Variants in UFD1 observed in about 807,000 individuals in gnomAD.
UFD1 encodes the protein ubiquitin recognition factor in ER associated degradation 1.
A neutral mutation model predicts 45.9 loss-of-function variants in UFD1; 13 were observed. The observed-to-expected ratio is 0.28, with a 90% confidence interval of 0.18 to 0.45. UFD1 has a LOEUF of 0.45. Ranked by LOEUF, UFD1 falls within the 20% of genes least tolerant of loss-of-function variation. The pLI is 1.00. For missense variants in UFD1, 218 were observed against 389.2 expected, an observed-to-expected ratio of 0.56 and a Z score of 3.70; for synonymous variants, 128 against 139.2, an observed-to-expected ratio of 0.92 and a Z score of 0.56.
intron 7 of UFD1, among the ~76,000 whole-genome samples, chr22:19,457,764 T>A (rs1438338453): frequency 6.6e-6 from 1 of 151,654 alleles, no homozygotes; most frequent in Non-Finnish European, 1.5e-5. Flanking sequence ...TGAGCCAAGA[T>A]CGCACCACTG....
intron 1 of UFD1, among the ~76,000 whole-genome samples, chr22:19,477,759 A>C (rs1479616399): frequency 6.6e-6 from 1 of 152,202 alleles, no homozygotes; most frequent in Admixed American, 6.5e-5. Context: ...AGTAGAAGGA[A>C]TGCCACCTAC....
intron 4 of UFD1, among the ~76,000 whole-genome samples, chr22:19,468,606 C>A (rs2089821286): frequency 6.6e-6 from 1 of 152,106 alleles, no homozygotes. Flanking sequence ...TGCAGGGAGT[C>A]CAGACTCAGG....
rs1277231208 is a variant in UFD1, at chr22:19,465,182, C to T, written c.495+20G>A. The T allele has an allele frequency of 6.2e-7, 1 of 1,613,426 alleles. No individual in the cohort carries two copies. Reference sequence around the variant, plus strand: ...TGCAGGTGGCTCTTGTCAGGAATGACCTGCATGAACTGGGCTCACCTTTTC... The same window carrying T: ...TGCAGGTGGCTCTTGTCAGGAATGATCTGCATGAACTGGGCTCACCTTTTC... On this transcript the variant is annotated intron_variant, in intron 6 of 11. Coordinates refer to ENST00000263202, the MANE Select transcript of UFD1 (RefSeq NM_005659.7).
Position 19,458,156 on chromosome 22 carries a change from G to C in UFD1, c.496-17C>G. ...TTCGTAGATCTGTGGGGCAAACACA[G>C]AAATCAGTTGGATGGTTTCCTGGCA... is the stretch of plus-strand genomic sequence containing the variant. On this transcript the variant is annotated splice_polypyrimidine_tract_variant and intron_variant, in intron 6 of 11. Coordinates refer to ENST00000263202, the MANE Select transcript of UFD1 (RefSeq NM_005659.7). 1 of 1,613,796 alleles carries C rather than the reference G, an allele frequency of 6.2e-7. No individual in the cohort carries two copies. Among genetic ancestry groups the C allele is most frequent in the Non-Finnish European group, 8.5e-7 (1 of 1,179,792 alleles).
chr22:19,458,234 T>C, intron 6 of UFD1, 95 bp from the exon 7 acceptor site: 1 of 1,314,158 alleles, frequency 7.6e-7, no homozygotes, highest in Non-Finnish European at 1.1e-6. Context: ...CTCCTGCGAA[T>C]GACACAGCAT....
intron 11 of UFD1, 59 bp from the exon 12 acceptor site, chr22:19,450,803 C>CT: frequency 6.2e-7 from 1 of 1,612,836 alleles, no homozygotes; most frequent in South Asian, 1.1e-5. Flanking sequence ...CAATAAATGC[C>CT]TTACTCTATG....
At chr22:19,470,586 C>A (rs1038794752) in intron 4 of UFD1, 3 of 375,666 alleles carry the variant, frequency 8.0e-6, no homozygotes, top group African/African-American at 6.3e-5. Context: ...GGACTACAGG[C>A]ACGTGCCACC....
At chr22:19,456,783 A>G in intron 8 of UFD1, 70 bp downstream of exon 8, 2 of 1,613,794 alleles carry the variant, frequency 1.2e-6, no homozygotes, top group Non-Finnish European at 1.7e-6. Context: ...GAGGCCACCC[A>G]CGAGCCACTG....
At chr22:19,451,811 G>C in intron 11 of UFD1, 1 of 985,428 alleles carries the variant, frequency 1.0e-6, no homozygotes, top group African/African-American at 1.7e-5. Flanking sequence ...TTCAATCACA[G>C]CCTGCATTGC....
chr22:19,450,546 C>A lies in UFD1; in HGVS notation c.*124G>T, dbSNP rs1210245106. 17 of 1,255,572 alleles carry A rather than the reference C, an allele frequency of 1.4e-5. No individual in the cohort carries two copies. Among genetic ancestry groups the A allele is most frequent in the Non-Finnish European group, 1.9e-5 (17 of 890,228 alleles). 77.8% of individuals were successfully genotyped at this position (1,255,572 alleles called of 1,614,324 possible). On this transcript the variant is annotated 3_prime_UTR_variant, in exon 12 of 12. Coordinates refer to ENST00000263202, the MANE Select transcript of UFD1 (RefSeq NM_005659.7). ...CAAACTTAATAATTCTTAGGTAACT[C>A]TAAATAAATCTTAAGTAACAGAGTA...
At chr22:19,464,838 C>G (rs1212866696) in intron 6 of UFD1, among the ~76,000 whole-genome samples, 1 of 152,356 alleles carries the variant, frequency 6.6e-6, no homozygotes, top group East Asian at 1.9e-4. Context: ...ATCCCAAGGA[C>G]AAGGACCCAG....
chr22:19,461,293 C>T (rs2146294565), intron 6 of UFD1, among the ~76,000 whole-genome samples: 1 of 152,266 alleles, frequency 6.6e-6, no homozygotes, highest in Non-Finnish European at 1.5e-5. Context: ...GAGTTAGGAA[C>T]TCAATTTGTT....
intron 6 of UFD1, among the ~76,000 whole-genome samples, chr22:19,462,902 G>A (rs1419700667): frequency 1.3e-5 from 2 of 151,948 alleles, no homozygotes; most frequent in African/African-American, 4.8e-5. Context: ...CTCAGATTTG[G>A]TTCATCTGAA....
At chr22:19,453,792 A>C (rs1355327701) in intron 11 of UFD1, 3 of 985,470 alleles carry the variant, frequency 3.0e-6, no homozygotes, top group Non-Finnish European at 2.4e-6. Flanking sequence ...GAGTTCAGTA[A>C]TTGGGATGGC....
At chr22:19,463,641 T>C (rs538972964) in intron 6 of UFD1, among the ~76,000 whole-genome samples, 6 of 152,358 alleles carry the variant, frequency 3.9e-5, no homozygotes, top group Admixed American at 2.6e-4. Flanking sequence ...TCTGTGTATA[T>C]TTTACTGCTT....
chr22:19,467,038 T>C (rs1326974516), intron 5 of UFD1: 1 of 152,084 alleles, frequency 6.6e-6, no homozygotes, highest in Non-Finnish European at 1.5e-5. Flanking sequence ...AGAATATACA[T>C]GGCCCATATG....
intron 6 of UFD1, among the ~76,000 whole-genome samples, chr22:19,458,916 T>C (rs958360123): frequency 6.6e-6 from 1 of 152,152 alleles, no homozygotes. Flanking sequence ...CCAAACATCA[T>C]AGTGCAGCCT....
intron 6 of UFD1, among the ~76,000 whole-genome samples, chr22:19,458,530 G>A (rs541729860): frequency 5.3e-5 from 8 of 152,232 alleles, no homozygotes; most frequent in Non-Finnish European, 8.8e-5. Context: ...TGCAACCTCC[G>A]CCTCCAGGGT....
chr22:19,454,157 C>T lies in UFD1; in HGVS notation c.849+592G>A, dbSNP rs538893285. On this transcript the variant is annotated intron_variant, in intron 11 of 11. Coordinates refer to ENST00000263202, the MANE Select transcript of UFD1 (RefSeq NM_005659.7). Reference sequence around the variant, plus strand: ...GTTCTGTGATAACAGAGCCTGGAGTCGGCTCTAGAGCAAGACAGAGCTCCT... The same window carrying T: ...GTTCTGTGATAACAGAGCCTGGAGTTGGCTCTAGAGCAAGACAGAGCTCCT... 3.3e-4 allele frequency: 330 copies of T among 986,156 alleles called. 1 individual carries two copies. Among genetic ancestry groups the T allele is most frequent in the Admixed American group, 3.7e-4 (6 of 16,356 alleles). 61.1% of individuals were successfully genotyped at this position (986,156 alleles called of 1,614,324 possible).
Sources: gnomAD v4.1 joint callset for allele counts (sites outside exome capture counted in the v4.1 genomes callset) on GRCh38, gnomAD v4.1.1 for gene constraint, MANE v1.5 for transcripts, NCBI Gene and HGNC (gene_info 2026-07-23, HGNC 2026-07-21) for gene names.